KIF2A: variants seen among roughly 807,000 people sequenced by gnomAD.
KIF2A encodes the protein kinesin-like protein KIF2A.
KIF2A carries 22 observed loss-of-function variants against 100.2 expected under a neutral mutation model. That is an observed-to-expected ratio of 0.22 (90% CI 0.16 to 0.31). The LOEUF is 0.31. KIF2A is among the 10% of genes least tolerant of loss of function. The pLI, the probability that KIF2A is intolerant of heterozygous loss-of-function variation, is 1.00. For missense variants in KIF2A, 495 were observed against 898.7 expected (o/e 0.55, Z 5.74); for synonymous variants, 268 against 285.9 (o/e 0.94, Z 0.63).
chr5:62,317,666 T>C (rs772846168), intron 1 of KIF2A, among the ~76,000 whole-genome samples: 21 of 152,366 alleles, frequency 1.4e-4, no homozygotes, highest in Admixed American at 5.2e-4. Context: ...TCTTTTCCTT[T>C]CTAGGGTATA....
chr5:62,379,589 C>A (rs377204949), intron 19 of KIF2A, among the ~76,000 whole-genome samples: 8 of 150,858 alleles, frequency 5.3e-5, no homozygotes, highest in African/African-American at 2.0e-4. Context: ...TTGAACCCAG[C>A]AGGCGGAGGT....
At chr5:62,364,968 C>T (rs1011646855) in intron 14 of KIF2A, among the ~76,000 whole-genome samples, 28 of 152,138 alleles carry the variant, frequency 1.8e-4, no homozygotes, top group African/African-American at 5.1e-4. Context: ...TAGCAGGCGC[C>T]TGTTATCCCA....
Position 62,388,474 on chromosome 5 carries a change from G to C in KIF2A, c.*2905G>C, listed in dbSNP as rs533019789. On this transcript the variant is annotated 3_prime_UTR_variant, in exon 21 of 21. Coordinates refer to ENST00000407818, the MANE Select transcript of KIF2A (RefSeq NM_001098511.3). ...GCGAAAGAGGTAGGCAATCGTAACAGACACTGTATAGGATAAATAGGGAAG... is the reference window on the plus strand; with the variant it reads ...GCGAAAGAGGTAGGCAATCGTAACACACACTGTATAGGATAAATAGGGAAG... The C allele has an allele frequency of 1.3e-5, 2 of 152,956 alleles. No homozygotes were observed. Among genetic ancestry groups the C allele is most frequent in the African/African-American group, 2.4e-5 (1 of 41,534 alleles). 9.5% of individuals were successfully genotyped at this position (152,956 alleles called of 1,614,324 possible).
chr5:62,354,590 G>A (rs1295745370), intron 6 of KIF2A, among the ~76,000 whole-genome samples: 1 of 152,058 alleles, frequency 6.6e-6, no homozygotes. Flanking sequence ...TTTTTAAAAT[G>A]ATCTTGGCTT....
intron 1 of KIF2A, among the ~76,000 whole-genome samples, chr5:62,333,241 T>A (rs1223923115): frequency 2.0e-5 from 3 of 152,138 alleles, no homozygotes; most frequent in Admixed American, 6.6e-5. Context: ...TTTTAGGAGG[T>A]TTTGGTATTA....
At chr5:62,315,857 G>A (rs1561246897) in intron 1 of KIF2A, among the ~76,000 whole-genome samples, 3 of 152,152 alleles carry the variant, frequency 2.0e-5, no homozygotes, top group African/African-American at 4.8e-5. Flanking sequence ...GTCTAGGAGG[G>A]TGAGCAATGA....
intron 1 of KIF2A, among the ~76,000 whole-genome samples, chr5:62,339,118 G>T (rs1373411680): frequency 6.6e-6 from 1 of 152,198 alleles, no homozygotes; most frequent in African/African-American, 2.4e-5. Context: ...TAATTGGCTT[G>T]CAGGTCTGCA....
chr5:62,364,216 C>T (rs540262900), intron 14 of KIF2A, among the ~76,000 whole-genome samples: 24 of 151,684 alleles, frequency 1.6e-4, no homozygotes, highest in Admixed American at 3.9e-4. Flanking sequence ...GACACAATCT[C>T]GGCTCACCGC....
intron 1 of KIF2A, among the ~76,000 whole-genome samples, chr5:62,309,951 T>G (rs1477633902): frequency 6.6e-6 from 1 of 152,168 alleles, no homozygotes; most frequent in Non-Finnish European, 1.5e-5. Context: ...TAAGTATTAA[T>G]GTTTGGGTCT....
chr5:62,388,315 T>C lies in KIF2A; in HGVS notation c.*2746T>C, dbSNP rs1456370463. On this transcript the variant is annotated 3_prime_UTR_variant, in exon 21 of 21. Coordinates refer to ENST00000407818, the MANE Select transcript of KIF2A (RefSeq NM_001098511.3). ...GAACCATAAAAAAAGATAATTTTATTGTTAATTTCATTCCAGTTTAGCTTC... is the reference window on the plus strand; with the variant it reads ...GAACCATAAAAAAAGATAATTTTATCGTTAATTTCATTCCAGTTTAGCTTC... 1 of 152,248 alleles carries C rather than the reference T, an allele frequency of 6.6e-6. No individual in the cohort carries two copies. The highest frequency in any genetic ancestry group is 2.4e-5 in the African/African-American group (1 of 41,472). 9.4% of individuals were successfully genotyped at this position (152,248 alleles called of 1,614,324 possible). A position where few individuals can be genotyped will look rare whatever the true frequency, so the allele number is the denominator to read the frequency against.
intron 20 of KIF2A, 67 bp from the exon 21 acceptor site, chr5:62,385,417 C>T: frequency 9.3e-7 from 1 of 1,071,510 alleles, no homozygotes; most frequent in Non-Finnish European, 1.4e-6. Context: ...TGATTGAACC[C>T]ATAAAGTTGT....
intron 1 of KIF2A, among the ~76,000 whole-genome samples, chr5:62,338,847 A>C (rs1026464231): frequency 2.0e-5 from 3 of 152,196 alleles, no homozygotes; most frequent in African/African-American, 7.2e-5. Flanking sequence ...CCTATAGAGA[A>C]ATAGCCCAAA....
chr5:62,348,512 A>G (rs1747686364), intron 3 of KIF2A, among the ~76,000 whole-genome samples: 1 of 152,192 alleles, frequency 6.6e-6, no homozygotes, highest in South Asian at 2.1e-4. Context: ...TCTTAGGAAT[A>G]ATAACTACCA....
chr5:62,352,013 G>T (rs1403448626), intron 4 of KIF2A, among the ~76,000 whole-genome samples: 1 of 152,090 alleles, frequency 6.6e-6, no homozygotes. Context: ...AATGAGCCAG[G>T]TGTAGTGGCG....
intron 1 of KIF2A, among the ~76,000 whole-genome samples, chr5:62,341,977 G>A (rs994485866): frequency 5.9e-5 from 9 of 151,654 alleles, no homozygotes; most frequent in Admixed American, 1.3e-4. Context: ...CCTCAACCAC[G>A]GCCTCTTCAT....
intron 9 of KIF2A, among the ~76,000 whole-genome samples, chr5:62,359,457 T>TAAAA (rs11345898): frequency 6.8e-6 from 1 of 146,378 alleles, no homozygotes; most frequent in African/African-American, 2.5e-5. Flanking sequence ...TAGTCAGTTG[T>TAAAA]AAAAAAAAAA....
intron 1 of KIF2A, among the ~76,000 whole-genome samples, chr5:62,322,060 C>T (rs992824727): frequency 6.6e-6 from 1 of 152,106 alleles, no homozygotes; most frequent in Non-Finnish European, 1.5e-5. Flanking sequence ...GCTAGGACCA[C>T]AGGCACAAGC....
chr5:62,369,125 G>T (rs1367808630), intron 16 of KIF2A, among the ~76,000 whole-genome samples: 1 of 152,122 alleles, frequency 6.6e-6, no homozygotes, highest in Non-Finnish European at 1.5e-5. Flanking sequence ...TGTTCCTCTA[G>T]TTCACTTAGG....
intron 1 of KIF2A, among the ~76,000 whole-genome samples, chr5:62,315,520 G>A (rs1026129099): frequency 3.9e-5 from 6 of 152,184 alleles, no homozygotes; most frequent in African/African-American, 7.2e-5. Flanking sequence ...ATGACCAGTC[G>A]GTTGCCCTGA....
Sources: allele counts gnomAD v4.1 joint callset (sites outside exome capture counted in the v4.1 genomes callset), GRCh38; gene constraint gnomAD v4.1.1; transcripts MANE v1.5; gene names NCBI Gene and HGNC (gene_info 2026-07-23, HGNC 2026-07-21).